Variants in GNG4 observed in about 807,000 individuals in gnomAD.
GNG4 encodes guanine nucleotide-binding protein G(I)/G(S)/G(O) subunit gamma-4.
GNG4 carries 4 observed loss-of-function variants against 5.8 expected under a neutral mutation model. The observed-to-expected ratio is 0.69, with a 90% CI of 0.34 to 1.57. The LOEUF (loss-of-function observed/expected upper bound fraction) is 1.57. Among genes scored for constraint, GNG4 ranks in the 40% most tolerant of loss-of-function variants. The pLI is 0.06. For synonymous variants in GNG4, 29 were observed against 32.9 expected (o/e 0.88, Z 0.41); for missense variants, 96 against 95.1 (o/e 1.01, Z -0.04).
intron 3 of GNG4, among the ~76,000 whole-genome samples, chr1:235,570,546 G>A (rs906930868): frequency 6.6e-6 from 1 of 151,592 alleles, no homozygotes; most frequent in Non-Finnish European, 1.5e-5. Flanking sequence ...ACAGGTGCCC[G>A]CCATCATGCC....
intron 1 of GNG4, among the ~76,000 whole-genome samples, chr1:235,610,592 T>C (rs1384414158): frequency 6.6e-6 from 1 of 152,244 alleles, no homozygotes; most frequent in African/African-American, 2.4e-5. Context: ...TAAATTGTCC[T>C]GGATTTGGCC....
chr1:235,619,853 ATCT>A (rs1688669988), intron 1 of GNG4, among the ~76,000 whole-genome samples: 1 of 152,214 alleles, frequency 6.6e-6, no homozygotes, highest in South Asian at 2.1e-4. Flanking sequence ...TTCCCTATAG[ATCT>A]TCTTATACCT....
At chr1:235,637,931 C>T (rs763219453) in intron 1 of GNG4, among the ~76,000 whole-genome samples, 4 of 152,178 alleles carry the variant, frequency 2.6e-5, no homozygotes, top group Admixed American at 6.5e-5. Flanking sequence ...ACTCCCAGTC[C>T]GGCACAGACT....
At chr1:235,606,682 AGGAGGACTGATAGAGAT>A (rs1254725412) in intron 1 of GNG4, among the ~76,000 whole-genome samples, 1 of 152,184 alleles carries the variant, frequency 6.6e-6, no homozygotes, top group Non-Finnish European at 1.5e-5. Flanking sequence ...GCCAGCAGAC[AGGAGGACTGATAGAGAT>A]GGAATTCACA....
rs939942665 is a variant in GNG4, at chr1:235,648,693, G to A, written c.-123+969C>T. 2.6e-5 allele frequency among the ~76,000 whole-genome samples: 4 copies of A among 152,220 alleles called. No homozygotes were observed. Among genetic ancestry groups the A allele is most frequent in the African/African-American group, 7.2e-5 (3 of 41,452 alleles). The stretch of plus-strand genomic sequence containing the variant: ...TGGCACGTTTTAATGGAGCACACGG[G>A]CGCAGCCTAGGCGGCCTTTTGCTCC... On this transcript the variant is annotated intron_variant, in intron 1 of 3. Transcript: ENST00000391854. The surrounding 1 kb of genome is among the most constrained non-coding windows in gnomAD (Gnocchi z 5.0).
At position 235,549,731 on chromosome 1, in the gene GNG4, T is replaced by C. The variant is rs1686690729; in HGVS notation, c.*2378A>G. 1.3e-5 allele frequency: 2 copies of C among 152,236 alleles called. No homozygotes were observed. The highest frequency in any genetic ancestry group is 6.5e-5 in the Admixed American group (1 of 15,278). The allele number at this position is 152,236 out of a possible 1,614,324, so 9.4% of individuals were successfully genotyped here. A position where few individuals can be genotyped will look rare whatever the true frequency, so the allele number is the denominator to read the frequency against. On this transcript the variant is annotated 3_prime_UTR_variant, in exon 4 of 4. Coordinates refer to ENST00000391854, the MANE Select transcript of GNG4 (RefSeq NM_001098722.2). ...AAAGAAGCAAGGAACAAAGATGTCCTAAATCCATTTACGAGGGCAGCAAGT... is the reference window on the plus strand; with the variant it reads ...AAAGAAGCAAGGAACAAAGATGTCCCAAATCCATTTACGAGGGCAGCAAGT...
intron 1 of GNG4, among the ~76,000 whole-genome samples, chr1:235,631,792 T>C (rs1436256048): frequency 6.6e-6 from 1 of 152,168 alleles, no homozygotes; most frequent in Non-Finnish European, 1.5e-5. Flanking sequence ...GGTCTTGAAC[T>C]CCTGACCTCA....
At chr1:235,641,272 C>T (rs2102988763) in intron 1 of GNG4, among the ~76,000 whole-genome samples, 1 of 151,966 alleles carries the variant, frequency 6.6e-6, no homozygotes, top group East Asian at 1.9e-4. Context: ...CAACTGTAGC[C>T]CCAGCTACTT....
intron 1 of GNG4, among the ~76,000 whole-genome samples, chr1:235,624,035 T>G (rs1231383015): frequency 1.3e-5 from 2 of 152,020 alleles, no homozygotes; most frequent in Non-Finnish European, 2.9e-5. Flanking sequence ...GAAAAGCACA[T>G]GCCTGAAGAG....
At position 235,591,477 on chromosome 1, in the gene GNG4, C is replaced by T. The variant is rs966438730; in HGVS notation, c.-11+3923G>A. On this transcript the variant is annotated intron_variant, in intron 2 of 3. Transcript: ENST00000391854. ...AAGATAGAGCCCTATAAGAAGGTTTCGGAGGTCCTGCTTCCCCTACCTGGC... is the reference window on the plus strand; with the variant it reads ...AAGATAGAGCCCTATAAGAAGGTTTTGGAGGTCCTGCTTCCCCTACCTGGC... Among the ~76,000 whole-genome samples the T allele has an allele frequency of 3.4e-4, 52 of 152,184 alleles. 1 individual carries two copies. Among genetic ancestry groups the T allele is most frequent in the Admixed American group, 3.4e-3 (52 of 15,276 alleles).
At chr1:235,560,956 G>C (rs888460551) in intron 3 of GNG4, among the ~76,000 whole-genome samples, 1 of 152,078 alleles carries the variant, frequency 6.6e-6, no homozygotes, top group Non-Finnish European at 1.5e-5. Context: ...GTTTTCATAC[G>C]CTTATTTTCC....
intron 3 of GNG4, among the ~76,000 whole-genome samples, chr1:235,570,515 G>A (rs1420980782): frequency 6.7e-6 from 1 of 149,490 alleles, no homozygotes; most frequent in Non-Finnish European, 1.5e-5. Context: ...TCCTGCCTCA[G>A]CCTCCCGAGT....
At chr1:235,555,060 T>A (rs1686863440) in intron 3 of GNG4, among the ~76,000 whole-genome samples, 1 of 152,164 alleles carries the variant, frequency 6.6e-6, no homozygotes, top group African/African-American at 2.4e-5. Context: ...AAGGCAACAG[T>A]TTTGCCCTCT....
intron 3 of GNG4, among the ~76,000 whole-genome samples, chr1:235,557,131 C>T (rs917212862): frequency 2.6e-5 from 4 of 152,088 alleles, no homozygotes; most frequent in Non-Finnish European, 4.4e-5. Context: ...CATGGCCCGG[C>T]GGTTGGGGAC....
At chr1:235,621,545 T>C (rs1688711402) in intron 1 of GNG4, among the ~76,000 whole-genome samples, 1 of 152,098 alleles carries the variant, frequency 6.6e-6, no homozygotes. Flanking sequence ...TCTGCCCACC[T>C]CAGTCTCCCA....
At chr1:235,570,862 ATGTG>A (rs1553365373) in intron 3 of GNG4, among the ~76,000 whole-genome samples, 10 of 141,542 alleles carry the variant, frequency 7.1e-5, no homozygotes, top group Non-Finnish European at 1.2e-4. Context: ...ATATATATAT[ATGTG>A]TGTGTGTGTG....
In GNG4 at chr1:235,636,326, A is replaced by G. The variant is rs541725126; in HGVS notation, c.-123+13336T>C. Among the ~76,000 whole-genome samples, 3 of 152,346 alleles carry G rather than the reference A, an allele frequency of 2.0e-5. No homozygotes were observed. The South Asian group carries it at 6.2e-4, about 32-fold the overall frequency. On this transcript the variant is annotated intron_variant, in intron 1 of 3. Coordinates refer to ENST00000391854, the MANE Select transcript of GNG4 (RefSeq NM_001098722.2). ...TTCAGGAACAAGTTTTAGACGCTAA[A>G]GCCTTTGATTTATTTGAGGAAGGCT...
intron 1 of GNG4, among the ~76,000 whole-genome samples, chr1:235,600,100 C>CTTTTTTTTTTTGTTTTTT (rs1688222841): frequency 2.3e-5 from 1 of 43,128 alleles, no homozygotes; most frequent in Non-Finnish European, 4.1e-5. Flanking sequence ...CGGAAGAAAG[C>CTTTTTTTTTTTGTTTTTT]TTTTTTTTTT....
intron 3 of GNG4, among the ~76,000 whole-genome samples, chr1:235,559,329 T>C (rs1287299309): frequency 6.6e-6 from 1 of 152,220 alleles, no homozygotes; most frequent in Non-Finnish European, 1.5e-5. Context: ...CACTAGAAGA[T>C]ATCATATACT....
Sources: allele counts gnomAD v4.1 joint callset (sites outside exome capture counted in the v4.1 genomes callset), GRCh38; gene constraint gnomAD v4.1.1; non-coding constraint Gnocchi (gnomAD v3.1); transcripts MANE v1.5; gene names NCBI Gene and HGNC (gene_info 2026-07-23, HGNC 2026-07-21).